Variants in BACH2 observed in about 807,000 individuals in gnomAD.
BACH2 encodes BACH transcriptional regulator 2, also known as transcription regulator protein BACH2.
Under a neutral mutation model 61.8 loss-of-function variants are expected in BACH2, and 5 were observed. The observed-to-expected ratio is 0.08, with a 90% CI of 0.04 to 0.17. The LOEUF is 0.17. Ranked by LOEUF, BACH2 falls within the 10% of genes least tolerant of loss-of-function variation. BACH2 has a pLI of 1.00. For missense variants in BACH2, 824 were observed against 1,091.1 expected (o/e 0.76, Z 3.45); for synonymous variants, 446 against 440.1 (o/e 1.01, Z -0.17).
intron 1 of BACH2, among the ~76,000 whole-genome samples, chr6:90,284,515 A>AAATAC (rs1771959174): frequency 6.6e-6 from 1 of 152,122 alleles, no homozygotes; most frequent in Non-Finnish European, 1.5e-5. Flanking sequence ...CTGCACCAGT[A>AAATAC]TTTTCCTTTC....
intron 5 of BACH2, among the ~76,000 whole-genome samples, chr6:90,050,009 A>T (rs2127794218): frequency 6.6e-6 from 1 of 152,366 alleles, no homozygotes; most frequent in East Asian, 1.9e-4. Flanking sequence ...CAAGGAAAAC[A>T]ACTGACAGTA....
intron 6 of BACH2, among the ~76,000 whole-genome samples, chr6:89,978,633 TAAAAAAAAAAA>T (rs753724278): frequency 7.0e-5 from 6 of 86,036 alleles, no homozygotes; most frequent in African/African-American, 1.7e-4. Flanking sequence ...GTGTTGGCTT[TAAAAAAAAAAA>T]AAAAAAAAAA....
At chr6:90,187,377 T>C (rs1477671214) in intron 4 of BACH2, among the ~76,000 whole-genome samples, 2 of 152,268 alleles carry the variant, frequency 1.3e-5, no homozygotes, top group African/African-American at 4.8e-5. Context: ...ACGAATATAC[T>C]TAGTTTAATT....
chr6:90,046,549 C>A (rs1779786860), intron 5 of BACH2, among the ~76,000 whole-genome samples: 1 of 152,174 alleles, frequency 6.6e-6, no homozygotes, highest in African/African-American at 2.4e-5. Context: ...TACACCTCCT[C>A]CCCAAAAGAA....
Position 90,012,564 on chromosome 6 carries a change from G to C in BACH2, c.-12-3708C>G, listed in dbSNP as rs573511602. Reference sequence around the variant, plus strand: ...AGATTGTGTGAACCCAGCAGGAAGAGGTTGCAGTGAGCTGAGATTGCGCCA... The same window carrying C: ...AGATTGTGTGAACCCAGCAGGAAGACGTTGCAGTGAGCTGAGATTGCGCCA... On this transcript the variant is annotated intron_variant, in intron 5 of 8. Transcript: ENST00000257749. Among the ~76,000 whole-genome samples, 82 of 151,822 alleles carry C rather than the reference G, an allele frequency of 5.4e-4. No individual in the cohort carries two copies. The East Asian group carries it at 9.1e-3, about 17-fold the overall frequency.
intron 4 of BACH2, among the ~76,000 whole-genome samples, chr6:90,092,280 T>TAAAAA (rs200675044): frequency 4.7e-4 from 36 of 77,150 alleles, no homozygotes; most frequent in South Asian, 4.3e-3. Context: ...ACTGTCAAAG[T>TAAAAA]AAAAAAAAAA....
At chr6:90,175,210 AAC>A (rs10607051) in intron 4 of BACH2, among the ~76,000 whole-genome samples, 5,285 of 152,220 alleles carry the variant, frequency 0.035, 333 homozygotes, top group African/African-American at 0.12. Flanking sequence ...CAAGTTGGAA[AAC>A]ACAGGCATTT....
intron 1 of BACH2, among the ~76,000 whole-genome samples, chr6:90,274,565 C>G (rs1447650522): frequency 6.6e-6 from 1 of 152,178 alleles, no homozygotes; most frequent in Non-Finnish European, 1.5e-5. Flanking sequence ...GTACCTTTAT[C>G]ACAGCCGCCC....
intron 5 of BACH2, among the ~76,000 whole-genome samples, chr6:90,014,470 T>A (rs7739504): frequency 0.015 from 509 of 33,738 alleles, no homozygotes; most frequent in Non-Finnish European, 0.02. Flanking sequence ...ATATATATAT[T>A]TTTTTTTTTT....
chr6:90,280,508 T>G (rs1255091513), intron 1 of BACH2, among the ~76,000 whole-genome samples: 1 of 152,206 alleles, frequency 6.6e-6, no homozygotes, highest in African/African-American at 2.4e-5. Flanking sequence ...CTGATAATTT[T>G]CAGTTGAACA....
intron 5 of BACH2, among the ~76,000 whole-genome samples, chr6:90,084,083 G>A (rs1392595931): frequency 7.0e-6 from 1 of 141,970 alleles, no homozygotes; most frequent in African/African-American, 2.5e-5. Context: ...GGTGTGTGCG[G>A]TAGGGTGGGG....
chr6:90,081,176 T>G (rs1477759592), intron 5 of BACH2, among the ~76,000 whole-genome samples: 2 of 152,202 alleles, frequency 1.3e-5, no homozygotes, highest in Non-Finnish European at 2.9e-5. Flanking sequence ...GTTCTTGAAT[T>G]TATATGACAA....
chr6:90,181,924 G>T (rs1312585395), intron 4 of BACH2, among the ~76,000 whole-genome samples: 2 of 152,162 alleles, frequency 1.3e-5, no homozygotes, highest in Non-Finnish European at 2.9e-5. Flanking sequence ...AGCCCTGAAG[G>T]ATTACACTGT....
Position 89,931,690 on chromosome 6 carries a change from C to T in BACH2, c.*718G>A, listed in dbSNP as rs1772652536. On this transcript the variant is annotated 3_prime_UTR_variant, in exon 9 of 9. Coordinates refer to ENST00000257749, the MANE Select transcript of BACH2 (RefSeq NM_021813.4). ...ACCACTTGGAGGTGCCAAAACCAAA[C>T]CAAACGAAAAAGAAATCTGAAATAA... The T allele has an allele frequency of 6.6e-6, 1 of 152,430 alleles. No individual in the cohort carries two copies. The highest frequency in any genetic ancestry group is 1.5e-5 in the Non-Finnish European group (1 of 67,994). 9.4% of individuals were successfully genotyped at this position (152,430 alleles called of 1,614,324 possible).
At chr6:89,990,119 CAT>C (rs371657431) in intron 6 of BACH2, among the ~76,000 whole-genome samples, 101 of 152,276 alleles carry the variant, frequency 6.6e-4, no homozygotes, top group African/African-American at 2.4e-3. Context: ...ATCTTCACCA[CAT>C]ATTCTCCCTT....
chr6:90,223,510 C>G (rs1769810748), intron 3 of BACH2, among the ~76,000 whole-genome samples: 1 of 152,112 alleles, frequency 6.6e-6, no homozygotes, highest in Admixed American at 6.5e-5. Context: ...CTGCAGTTGC[C>G]CAGGCTGGAG....
intron 4 of BACH2, among the ~76,000 whole-genome samples, chr6:90,124,004 C>T (rs1002216176): frequency 1.1e-4 from 17 of 152,008 alleles, no homozygotes; most frequent in East Asian, 1.9e-4. Context: ...GAGTCAGAGT[C>T]GCCAGGGGAA....
chr6:90,252,173 C>T (rs371890997), intron 3 of BACH2, among the ~76,000 whole-genome samples: 59 of 152,116 alleles, frequency 3.9e-4, no homozygotes, highest in African/African-American at 1.4e-3. Context: ...TAAGACTGCC[C>T]GGGTATCCTT....
Position 90,102,839 on chromosome 6 carries a change from T to TAATA in BACH2, c.-161-13731_-161-13730insTATT, listed in dbSNP as rs751278080. Among the ~76,000 whole-genome samples the TAATA allele has an allele frequency of 7.5e-4, 92 of 122,216 alleles. 1 individual carries two copies. Among genetic ancestry groups the TAATA allele is most frequent in the African/African-American group, 2.5e-3 (83 of 33,722 alleles). The allele number at this position is 122,216 out of a possible 152,430, so 80.2% of individuals were successfully genotyped here. On this transcript the variant is annotated intron_variant, in intron 4 of 8. Transcript: ENST00000257749. ...ATAATAATAATAATAATAATAATAA[T>TAATA]AAAAATAAAAGGACCTTCCATTCAG... is the stretch of plus-strand genomic sequence containing the variant.
Sources: gnomAD v4.1 joint callset for allele counts (sites outside exome capture counted in the v4.1 genomes callset) on GRCh38, gnomAD v4.1.1 for gene constraint, MANE v1.5 for transcripts, NCBI Gene and HGNC (gene_info 2026-07-23, HGNC 2026-07-21) for gene names.